GLT1D1: variants seen among roughly 807,000 people sequenced by gnomAD.
The protein encoded by GLT1D1 is glycosyltransferase 1 domain containing 1.
Under a neutral mutation model 28.7 loss-of-function variants are expected in GLT1D1, and 21 were observed. The ratio of observed to expected loss-of-function variants is 0.73; its 90% CI spans 0.52 to 1.05. The LOEUF (loss-of-function observed/expected upper bound fraction) is 1.05, where lower values mean the gene tolerates loss of function less well. Among genes scored for constraint, GLT1D1 ranks in the 50% least tolerant of loss-of-function variants. The pLI, the probability that GLT1D1 is intolerant of heterozygous loss-of-function variation, is 0.00. For missense variants in GLT1D1, 343 were observed against 330.6 expected (o/e 1.04, Z -0.29); for synonymous variants, 147 against 124.8 (o/e 1.18, Z -1.19).
chr12:128,922,346 C>T (rs1205511465), intron 4 of GLT1D1, among the ~76,000 whole-genome samples: 1 of 152,136 alleles, frequency 6.6e-6, no homozygotes, highest in East Asian at 1.9e-4. Context: ...CCTCATCAAA[C>T]TTTCACTTGC....
intron 4 of GLT1D1, among the ~76,000 whole-genome samples, chr12:128,916,607 T>C (rs1872135371): frequency 6.6e-6 from 1 of 152,198 alleles, no homozygotes; most frequent in South Asian, 2.1e-4. Context: ...TCCCTGATGA[T>C]TAATTTTGTT....
chr12:128,913,202 C>T lies in GLT1D1; in HGVS notation c.375+13915C>T, dbSNP rs184177920. 1.0e-3 allele frequency among the ~76,000 whole-genome samples: 159 copies of T among 152,110 alleles called. 1 individual carries two copies. The highest frequency in any genetic ancestry group is 9.9e-4 in the Non-Finnish European group (67 of 67,996). On this transcript the variant is annotated intron_variant, in intron 4 of 7. Transcript: ENST00000281703. Reference sequence around the variant, plus strand: ...GGCATCTGAGGCCCTTCATCAAACCCTCTGAGGTTTAAACACAGTTTTTTG... The same window carrying T: ...GGCATCTGAGGCCCTTCATCAAACCTTCTGAGGTTTAAACACAGTTTTTTG...
chr12:128,894,435 G>A (rs1247595101), intron 3 of GLT1D1, among the ~76,000 whole-genome samples: 2 of 152,160 alleles, frequency 1.3e-5, no homozygotes, highest in African/African-American at 2.4e-5. Flanking sequence ...GTGTTTGCCT[G>A]ATGGTGATTT....
At chr12:128,934,072 C>T (rs1874239835) in intron 4 of GLT1D1, among the ~76,000 whole-genome samples, 2 of 152,130 alleles carry the variant, frequency 1.3e-5, no homozygotes, top group African/African-American at 4.8e-5. Context: ...AACTGCAAAG[C>T]TCAATGAATG....
At chr12:128,881,534 G>GAAA (rs1161429342) in intron 2 of GLT1D1, among the ~76,000 whole-genome samples, 308 of 23,848 alleles carry the variant, frequency 0.013, 78 homozygotes, top group Non-Finnish European at 0.017. Flanking sequence ...ACTCTGTATC[G>GAAA]AAAAAAAAAA....
chr12:128,898,797 G>A (rs545255315), intron 3 of GLT1D1, among the ~76,000 whole-genome samples: 58 of 152,286 alleles, frequency 3.8e-4, no homozygotes, highest in African/African-American at 1.4e-3. Context: ...TTGAAAGGAG[G>A]GAGATGATAA....
intron 7 of GLT1D1, 74 bp from the exon 12 acceptor site, chr12:128,982,855 A>G: frequency 7.1e-7 from 1 of 1,411,138 alleles, no homozygotes; most frequent in Non-Finnish European, 9.9e-7. Context: ...CAATGCAGAC[A>G]CAGGATCTTG....
intron 4 of GLT1D1, among the ~76,000 whole-genome samples, chr12:128,923,552 C>T (rs1277531359): frequency 6.6e-6 from 1 of 150,728 alleles, no homozygotes; most frequent in East Asian, 2.0e-4. Context: ...GATGGAGTCT[C>T]ACTCTGTTAC....
chr12:128,905,153 G>C (rs1301267288), intron 4 of GLT1D1, among the ~76,000 whole-genome samples: 1 of 152,190 alleles, frequency 6.6e-6, no homozygotes, highest in African/African-American at 2.4e-5. Context: ...TCATGCCTCT[G>C]TTTGGTCAAG....
chr12:128,922,516 A>G (rs1430166521), intron 4 of GLT1D1, among the ~76,000 whole-genome samples: 3 of 152,154 alleles, frequency 2.0e-5, no homozygotes, highest in Non-Finnish European at 2.9e-5. Context: ...CCTAACCTCA[A>G]ATTCTTCTGA....
intron 4 of GLT1D1, among the ~76,000 whole-genome samples, chr12:128,915,457 C>T (rs1159138868): frequency 2.0e-5 from 3 of 151,814 alleles, no homozygotes; most frequent in Non-Finnish European, 2.9e-5. Flanking sequence ...CTCTACCTCC[C>T]GGGTTCAAGT....
intron 4 of GLT1D1, among the ~76,000 whole-genome samples, chr12:128,900,636 CTTT>C (rs71072419): frequency 7.1e-6 from 1 of 140,544 alleles, no homozygotes; most frequent in Admixed American, 7.2e-5. Flanking sequence ...TAATACCAAA[CTTT>C]TTTTTTTTTT....
At chr12:128,881,941 C>G (rs1360737103) in intron 2 of GLT1D1, among the ~76,000 whole-genome samples, 1 of 151,902 alleles carries the variant, frequency 6.6e-6, no homozygotes, top group Non-Finnish European at 1.5e-5. Flanking sequence ...TAAACAATAT[C>G]ATGATGAACA....
At chr12:128,944,360 T>C in intron 4 of GLT1D1, 3 of 869,522 alleles carry the variant, frequency 3.5e-6, no homozygotes, top group African/African-American at 1.7e-5. Context: ...GTTTCTGTTC[T>C]GGAGAATGTT....
intron 4 of GLT1D1, among the ~76,000 whole-genome samples, chr12:128,908,936 G>T (rs981849028): frequency 3.9e-5 from 6 of 151,994 alleles, no homozygotes; most frequent in Admixed American, 2.0e-4. Context: ...GCGACAGAGC[G>T]AGACTCCGTC....
At chr12:128,896,077 A>G (rs143704465) in intron 3 of GLT1D1, among the ~76,000 whole-genome samples, 1 of 152,258 alleles carries the variant, frequency 6.6e-6, no homozygotes, top group African/African-American at 2.4e-5. Flanking sequence ...CACAGTTTCA[A>G]TGGTGCAGTC....
intron 6 of GLT1D1, among the ~76,000 whole-genome samples, chr12:128,948,077 T>A (rs770375552): frequency 6.6e-6 from 1 of 152,246 alleles, no homozygotes; most frequent in East Asian, 1.9e-4. Context: ...GGACCGAGGC[T>A]GGAGTGGGAA....
At chr12:128,863,570 G>A (rs146706163) in intron 1 of GLT1D1, among the ~76,000 whole-genome samples, 181 of 152,024 alleles carry the variant, frequency 1.2e-3, no homozygotes, top group African/African-American at 4.1e-3. Context: ...TAGAGACGGG[G>A]TTTCACCATG....
chr12:128,923,541 A>T (rs1593137420), intron 4 of GLT1D1, among the ~76,000 whole-genome samples: 1 of 146,536 alleles, frequency 6.8e-6, no homozygotes, highest in South Asian at 2.1e-4. Context: ...TTTTTTTTTG[A>T]GATGGAGTCT....
Sources: allele counts gnomAD v4.1 joint callset (sites outside exome capture counted in the v4.1 genomes callset), GRCh38; gene constraint gnomAD v4.1.1; transcripts MANE v1.5; gene names NCBI Gene and HGNC (gene_info 2026-07-23, HGNC 2026-07-21).